The following PAK1 variants were observed in gnomAD, a reference collection of about 807,000 sequenced individuals.
PAK1 encodes serine/threonine-protein kinase PAK 1.
Under a neutral mutation model 67.4 loss-of-function variants are expected in PAK1, and 29 were observed. That is an observed-to-expected ratio of 0.43 (90% CI 0.32 to 0.59). PAK1 has a LOEUF of 0.59. Among genes scored for constraint, PAK1 ranks in the 20% least tolerant of loss-of-function variants. The pLI is 0.07. For synonymous variants in PAK1, 223 were observed against 237.4 expected (o/e 0.94, Z 0.56); for missense variants, 337 against 670.7 (o/e 0.50, Z 5.50).
the PAK1 span, among the ~76,000 whole-genome samples, chr11:77,506,189 G>A: frequency 6.6e-6 from 1 of 152,176 alleles, no homozygotes; most frequent in Non-Finnish European, 1.5e-5. Flanking sequence ...AAACATTACA[G>A]CAACCCTGTA....
chr11:77,459,594 A>C (rs1957226740), intron 1 of PAK1, among the ~76,000 whole-genome samples: 1 of 152,198 alleles, frequency 6.6e-6, no homozygotes, highest in South Asian at 2.1e-4. Flanking sequence ...AGACATAACC[A>C]AGAGTCAAAT....
At chr11:77,345,269 A>C (rs1200125154) in intron 9 of PAK1, among the ~76,000 whole-genome samples, 1 of 152,104 alleles carries the variant, frequency 6.6e-6, no homozygotes, top group Non-Finnish European at 1.5e-5. Context: ...TGCTCAACAA[A>C]TGTCTGTAGA....
At chr11:77,385,707 A>C (rs1950360864) in intron 2 of PAK1, among the ~76,000 whole-genome samples, 1 of 152,124 alleles carries the variant, frequency 6.6e-6, no homozygotes, top group South Asian at 2.1e-4. Context: ...AAATACAAAA[A>C]TTAGCCAGGC....
At chr11:77,433,536 T>C (rs894502588) in intron 1 of PAK1, among the ~76,000 whole-genome samples, 5 of 152,016 alleles carry the variant, frequency 3.3e-5, no homozygotes, top group African/African-American at 9.7e-5. Context: ...TCCCAGCACT[T>C]TGGGGGGCCG....
chr11:77,513,029 A>G, the PAK1 span, among the ~76,000 whole-genome samples: 1 of 152,148 alleles, frequency 6.6e-6, no homozygotes, highest in East Asian at 1.9e-4. Context: ...AGGAAGTCAT[A>G]CAGTGAGCTA....
chr11:77,511,754 A>G, the PAK1 span, among the ~76,000 whole-genome samples: 1 of 152,228 alleles, frequency 6.6e-6, no homozygotes, highest in Non-Finnish European at 1.5e-5. Context: ...AGAAGTGTGC[A>G]TTTGATTAAA....
chr11:77,339,931 C>T (rs1160286090), intron 11 of PAK1, among the ~76,000 whole-genome samples: 1 of 152,010 alleles, frequency 6.6e-6, no homozygotes, highest in East Asian at 1.9e-4. Flanking sequence ...TCCTCAATGT[C>T]TCTGAATATT....
chr11:77,417,094 TC>T (rs1473081333), intron 1 of PAK1, among the ~76,000 whole-genome samples: 1 of 152,234 alleles, frequency 6.6e-6, no homozygotes, highest in African/African-American at 2.4e-5. Context: ...ATGTGGCTCA[TC>T]ACTGACTGAA....
intron 9 of PAK1, among the ~76,000 whole-genome samples, chr11:77,346,323 C>T (rs1329158600): frequency 1.3e-5 from 2 of 152,152 alleles, no homozygotes; most frequent in African/African-American, 4.8e-5. Context: ...GTGTCCTTCA[C>T]CTAAGCCCCA....
chr11:77,398,813 T>C (rs928321731), intron 1 of PAK1, among the ~76,000 whole-genome samples: 5 of 152,218 alleles, frequency 3.3e-5, no homozygotes, highest in African/African-American at 1.2e-4. Context: ...ACTATACTGT[T>C]CTTGAGGTAA....
At chr11:77,516,721 A>G in the PAK1 span, among the ~76,000 whole-genome samples, 226 of 151,908 alleles carry the variant, frequency 1.5e-3, 4 homozygotes, top group East Asian at 0.042. Context: ...CTAACTACAA[A>G]GTCTAGGCAT....
In PAK1 at chr11:77,435,145, C is replaced by T. The variant is rs534805652; in HGVS notation, c.-22+38407G>A. Reference sequence around the variant, plus strand: ...AAAAAAAAAAAAATTGAAATTAAAACCCCACCGGAAACAAGAAAAAAAACA... The same window carrying T: ...AAAAAAAAAAAAATTGAAATTAAAATCCCACCGGAAACAAGAAAAAAAACA... On this transcript the variant is annotated intron_variant, in intron 1 of 14. Coordinates refer to ENST00000356341, the MANE Select transcript of PAK1 (RefSeq NM_002576.5). 2.7e-5 allele frequency among the ~76,000 whole-genome samples: 4 copies of T among 147,338 alleles called. No individual in the cohort carries two copies. In the East Asian group the frequency reaches 7.8e-4, roughly 29 times the overall value.
chr11:77,339,670 A>T (rs956715523), intron 11 of PAK1, among the ~76,000 whole-genome samples: 1 of 152,080 alleles, frequency 6.6e-6, no homozygotes, highest in African/African-American at 2.4e-5. Flanking sequence ...TAACTACATA[A>T]TTTCAGCAGT....
At chr11:77,421,718 A>T (rs61901812) in intron 1 of PAK1, among the ~76,000 whole-genome samples, 2,330 of 152,368 alleles carry the variant, frequency 0.015, 30 homozygotes, top group South Asian at 0.025. Flanking sequence ...GCAGTCTTAG[A>T]GTGGCCTAAA....
intron 1 of PAK1, among the ~76,000 whole-genome samples, chr11:77,459,808 T>C (rs934294470): frequency 1.4e-5 from 2 of 139,994 alleles, no homozygotes; most frequent in African/African-American, 2.5e-5. Context: ...TTCTCCTGCC[T>C]GAGCCACCCC....
At chr11:77,435,494 C>CTT (rs199613170) in intron 1 of PAK1, among the ~76,000 whole-genome samples, 11 of 141,286 alleles carry the variant, frequency 7.8e-5, no homozygotes, top group East Asian at 2.0e-4. Flanking sequence ...CATATTTTCT[C>CTT]TTTTTTTTTT....
intron 9 of PAK1, chr11:77,347,124 C>A: frequency 2.2e-6 from 1 of 454,718 alleles, no homozygotes; most frequent in South Asian, 1.6e-5. Flanking sequence ...GCATTAGCCA[C>A]CCTGATGGAC....
At chr11:77,519,382 AT>A in the PAK1 span, among the ~76,000 whole-genome samples, 1 of 152,188 alleles carries the variant, frequency 6.6e-6, no homozygotes, top group Non-Finnish European at 1.5e-5. Context: ...TTGAGTCTGT[AT>A]CCCCTGTATT....
chr11:77,468,928 A>G (rs956099411), intron 1 of PAK1, among the ~76,000 whole-genome samples: 3 of 152,194 alleles, frequency 2.0e-5, no homozygotes, highest in Admixed American at 2.0e-4. Context: ...TAAAATGGGA[A>G]TACCTATCTC....
Sources: allele counts gnomAD v4.1 joint callset (sites outside exome capture counted in the v4.1 genomes callset), GRCh38; gene constraint gnomAD v4.1.1; transcripts MANE v1.5; gene names NCBI Gene and HGNC (gene_info 2026-07-23, HGNC 2026-07-21).